Variants in GRIA1 observed in about 807,000 individuals in gnomAD.
The protein encoded by GRIA1 is glutamate ionotropic receptor AMPA type subunit 1.
GRIA1 carries 31 observed loss-of-function variants against 99.2 expected under a neutral mutation model. The observed-to-expected ratio is 0.31, with a 90% CI of 0.23 to 0.42. The LOEUF (loss-of-function observed/expected upper bound fraction) is 0.42, where lower values mean the gene tolerates loss of function less well. GRIA1 is among the 10% of genes least tolerant of loss of function. The pLI is 1.00. For missense variants in GRIA1, 782 were observed against 1,157.5 expected (o/e 0.68, Z 4.71); for synonymous variants, 438 against 432.4 (o/e 1.01, Z -0.16).
At chr5:153,780,980 A>C (rs1764589457) in intron 13 of GRIA1, among the ~76,000 whole-genome samples, 1 of 152,066 alleles carries the variant, frequency 6.6e-6, no homozygotes, top group Non-Finnish European at 1.5e-5. Context: ...TGAGAAGCCC[A>C]GTCTCGGAGG....
chr5:153,551,613 G>A (rs1249235125), intron 2 of GRIA1, among the ~76,000 whole-genome samples: 2 of 152,176 alleles, frequency 1.3e-5, no homozygotes, highest in African/African-American at 4.8e-5. Flanking sequence ...CATCAGAACT[G>A]TAAATCACCT....
chr5:153,709,544 G>A (rs957047404), intron 11 of GRIA1, among the ~76,000 whole-genome samples: 2 of 152,182 alleles, frequency 1.3e-5, no homozygotes, highest in African/African-American at 4.8e-5. Flanking sequence ...AGATAACCCA[G>A]TAAAGAGGGT....
chr5:153,592,848 G>A (rs925777674), intron 2 of GRIA1, among the ~76,000 whole-genome samples: 1 of 152,226 alleles, frequency 6.6e-6, no homozygotes, highest in Non-Finnish European at 1.5e-5. Flanking sequence ...CTGCTTCCTA[G>A]TTTACAGATG....
intron 2 of GRIA1, among the ~76,000 whole-genome samples, chr5:153,586,221 A>G (rs1322763491): frequency 6.6e-6 from 1 of 152,220 alleles, no homozygotes; most frequent in East Asian, 1.9e-4. Flanking sequence ...CCAAAGGAAG[A>G]GGAACCTTAT....
chr5:153,612,276 G>A (rs2149410766), intron 2 of GRIA1, among the ~76,000 whole-genome samples: 1 of 152,326 alleles, frequency 6.6e-6, no homozygotes, highest in Middle Eastern at 3.4e-3. Flanking sequence ...GCACAAAACA[G>A]AAATACTAGT....
intron 2 of GRIA1, among the ~76,000 whole-genome samples, chr5:153,588,598 C>T (rs778816): frequency 0.13 from 19,515 of 152,188 alleles, 2,520 homozygotes; most frequent in East Asian, 0.7. Context: ...TGACCTAGGA[C>T]AGATTGCTTA....
chr5:153,566,509 T>C (rs531878429), intron 2 of GRIA1, among the ~76,000 whole-genome samples: 43 of 151,172 alleles, frequency 2.8e-4, no homozygotes, highest in Non-Finnish European at 3.8e-4. Context: ...TTTCACCATG[T>C]TGGCCAGGTT....
chr5:153,562,642 G>A (rs1407565866), intron 2 of GRIA1, among the ~76,000 whole-genome samples: 1 of 152,192 alleles, frequency 6.6e-6, no homozygotes, highest in Non-Finnish European at 1.5e-5. Flanking sequence ...AAGACTGTTT[G>A]TGATGCTTGA....
chr5:153,702,029 C>T (rs1404456163), intron 10 of GRIA1, among the ~76,000 whole-genome samples: 1 of 152,152 alleles, frequency 6.6e-6, no homozygotes, highest in Non-Finnish European at 1.5e-5. Flanking sequence ...TAGATGAGGA[C>T]ACTGAGGCCC....
At chr5:153,723,325 G>A (rs1042498380) in intron 11 of GRIA1, among the ~76,000 whole-genome samples, 7 of 152,196 alleles carry the variant, frequency 4.6e-5, no homozygotes, top group African/African-American at 1.2e-4. Flanking sequence ...CAGAGAAGAC[G>A]GGTGATTTCT....
intron 2 of GRIA1, among the ~76,000 whole-genome samples, chr5:153,507,777 T>C (rs1036417674): frequency 2.6e-5 from 4 of 152,220 alleles, no homozygotes; most frequent in Non-Finnish European, 5.9e-5. Flanking sequence ...CCCATCTTAT[T>C]TTAAGTTCAA....
chr5:153,682,480 A>G (rs537072972), intron 7 of GRIA1, among the ~76,000 whole-genome samples: 11 of 152,306 alleles, frequency 7.2e-5, no homozygotes, highest in African/African-American at 2.6e-4. Context: ...AGAACTTGCT[A>G]AGTCGGTTTA....
At chr5:153,746,637 GGATC>G (rs1762180467) in intron 11 of GRIA1, among the ~76,000 whole-genome samples, 2 of 152,138 alleles carry the variant, frequency 1.3e-5, no homozygotes, top group African/African-American at 4.8e-5. Flanking sequence ...ATGAGCTGAT[GGATC>G]AGCAGATAGT....
chr5:153,680,229 T>TC (rs1044601126), intron 7 of GRIA1, among the ~76,000 whole-genome samples: 2 of 151,536 alleles, frequency 1.3e-5, no homozygotes, highest in African/African-American at 4.9e-5. Context: ...GTGCACCCCC[T>TC]CCCCCTTCAC....
At chr5:153,587,678 T>C (rs970688977) in intron 2 of GRIA1, among the ~76,000 whole-genome samples, 1 of 152,192 alleles carries the variant, frequency 6.6e-6, no homozygotes. Flanking sequence ...GTCCAAGATA[T>C]GGGTCTATTC....
intron 2 of GRIA1, among the ~76,000 whole-genome samples, chr5:153,610,188 G>T (rs1425635753): frequency 6.6e-6 from 1 of 152,172 alleles, no homozygotes; most frequent in Non-Finnish European, 1.5e-5. Flanking sequence ...TAAAAATAGG[G>T]TGACTTACAA....
At chr5:153,792,410 C>T (rs190129173) in intron 13 of GRIA1, among the ~76,000 whole-genome samples, 21 of 152,232 alleles carry the variant, frequency 1.4e-4, no homozygotes, top group Non-Finnish European at 2.4e-4. Context: ...GAATTAGAAC[C>T]TTGGGAACCC....
At chr5:153,552,332 C>T (rs1211186722) in intron 2 of GRIA1, among the ~76,000 whole-genome samples, 1 of 152,086 alleles carries the variant, frequency 6.6e-6, no homozygotes, top group Non-Finnish European at 1.5e-5. Context: ...CCTGTAAGAA[C>T]CCACACTCTC....
At chr5:153,707,373 A>AC (rs1185931793) in intron 11 of GRIA1, among the ~76,000 whole-genome samples, 1 of 152,220 alleles carries the variant, frequency 6.6e-6, no homozygotes, top group Non-Finnish European at 1.5e-5. Context: ...AATCTAGACC[A>AC]AGTCCACATT....
Sources: allele counts gnomAD v4.1 joint callset (sites outside exome capture counted in the v4.1 genomes callset), GRCh38; gene constraint gnomAD v4.1.1; transcripts MANE v1.5; gene names NCBI Gene and HGNC (gene_info 2026-07-23, HGNC 2026-07-21).